TAFA4: variants seen among roughly 807,000 people sequenced by gnomAD.
The protein encoded by TAFA4 is TAFA chemokine like family member 4.
Under a neutral mutation model 21.1 loss-of-function variants are expected in TAFA4, and 20 were observed. The observed-to-expected ratio is 0.95, with a 90% CI of 0.67 to 1.38. The LOEUF (loss-of-function observed/expected upper bound fraction) is 1.38, where lower values mean the gene tolerates loss of function less well. Ranked by LOEUF, TAFA4 falls within the 40% of genes most tolerant of loss-of-function variation. The pLI is 0.00. For missense variants in TAFA4, 211 were observed against 180.9 expected, an observed-to-expected ratio of 1.17 and a Z score of -0.95; for synonymous variants, 71 against 67.4, an observed-to-expected ratio of 1.05 and a Z score of -0.26.
rs148075925 is a variant in TAFA4, at chr3:68,761,606, T to C, written c.131-8588A>G. ...TGTGTGGGTGATTACATGGGCCCCATGGATCATTATAGAGGCTTGGGCTTT... is the reference window on the plus strand; with the variant it reads ...TGTGTGGGTGATTACATGGGCCCCACGGATCATTATAGAGGCTTGGGCTTT... On this transcript the variant is annotated intron_variant, in intron 3 of 5. Coordinates refer to ENST00000295569, the MANE Select transcript of TAFA4 (RefSeq NM_182522.5). Among the ~76,000 whole-genome samples, 203 of 152,318 alleles carry C rather than the reference T, an allele frequency of 1.3e-3. 1 individual carries two copies. The highest frequency in any genetic ancestry group is 4.8e-3 in the African/African-American group (198 of 41,576).
At chr3:68,774,558 G>A (rs1703017061) in intron 3 of TAFA4, among the ~76,000 whole-genome samples, 1 of 152,196 alleles carries the variant, frequency 6.6e-6, no homozygotes, top group Non-Finnish European at 1.5e-5. Context: ...CTTTTTAATA[G>A]CACATATGAG....
intron 3 of TAFA4, among the ~76,000 whole-genome samples, chr3:68,800,414 T>C (rs1703552347): frequency 6.6e-6 from 1 of 152,202 alleles, no homozygotes; most frequent in Admixed American, 6.5e-5. Flanking sequence ...GTGCTGACCC[T>C]GAACCCCAGT....
intron 1 of TAFA4, among the ~76,000 whole-genome samples, chr3:68,889,897 A>G (rs944489934): frequency 2.0e-5 from 3 of 152,352 alleles, no homozygotes; most frequent in African/African-American, 7.2e-5. Flanking sequence ...TCATCCTCAG[A>G]ATGAACTGTA....
At chr3:68,741,048 A>G (rs1304529238) in intron 4 of TAFA4, among the ~76,000 whole-genome samples, 3 of 152,166 alleles carry the variant, frequency 2.0e-5, no homozygotes, top group Admixed American at 6.5e-5. Context: ...TTTGGTAACT[A>G]TAGCTTTGTA....
At chr3:68,858,522 A>G (rs951365431) in intron 3 of TAFA4, among the ~76,000 whole-genome samples, 1 of 151,560 alleles carries the variant, frequency 6.6e-6, no homozygotes, top group African/African-American at 2.4e-5. Context: ...TTTTTTTTCA[A>G]CCGAATATAA....
At chr3:68,852,423 C>T (rs1057135676) in intron 3 of TAFA4, among the ~76,000 whole-genome samples, 6 of 152,150 alleles carry the variant, frequency 3.9e-5, no homozygotes, top group Non-Finnish European at 8.8e-5. Context: ...GCTCTGCCAG[C>T]AACTAGGTAT....
intron 3 of TAFA4, among the ~76,000 whole-genome samples, chr3:68,805,542 C>T (rs1399466518): frequency 2.0e-5 from 3 of 152,150 alleles, no homozygotes; most frequent in Admixed American, 1.3e-4. Flanking sequence ...ATAGCAAAGA[C>T]TTGGAACCAA....
intron 1 of TAFA4, among the ~76,000 whole-genome samples, chr3:68,917,935 T>C (rs2090020989): frequency 6.6e-6 from 1 of 151,920 alleles, no homozygotes. Context: ...TCTTTAGGAG[T>C]AATGATAATG....
At chr3:68,851,528 G>A (rs1387555647) in intron 3 of TAFA4, among the ~76,000 whole-genome samples, 1 of 152,130 alleles carries the variant, frequency 6.6e-6, no homozygotes, top group African/African-American at 2.4e-5. Context: ...ATGAAGGACA[G>A]AGCATGGTGA....
chr3:68,856,948 C>T (rs550223340), intron 3 of TAFA4, among the ~76,000 whole-genome samples: 1 of 152,148 alleles, frequency 6.6e-6, no homozygotes, highest in Non-Finnish European at 1.5e-5. Flanking sequence ...TCAACATAAA[C>T]ATGACAGGAT....
intron 3 of TAFA4, among the ~76,000 whole-genome samples, chr3:68,820,022 T>A (rs928527377): frequency 5.3e-5 from 8 of 152,046 alleles, no homozygotes; most frequent in Non-Finnish European, 5.9e-5. Flanking sequence ...AACCAAGATA[T>A]GAAATCAACC....
At chr3:68,790,279 G>T (rs1423138794) in intron 3 of TAFA4, among the ~76,000 whole-genome samples, 2 of 141,154 alleles carry the variant, frequency 1.4e-5, no homozygotes, top group African/African-American at 2.6e-5. Context: ...CACTAAAAAA[G>T]AAAAAAAAAG....
chr3:68,739,346 A>G, intron 4 of TAFA4, 147 bp from the exon 5 acceptor site: 3 of 941,344 alleles, frequency 3.2e-6, no homozygotes, highest in East Asian at 5.2e-5. Context: ...AATCAGGCAT[A>G]TACTCTACAA....
chr3:68,823,414 T>C (rs915561630), intron 3 of TAFA4, among the ~76,000 whole-genome samples: 7 of 152,228 alleles, frequency 4.6e-5, no homozygotes, highest in Non-Finnish European at 8.8e-5. Context: ...CTTCAAATTA[T>C]GGTAGTTTTG....
intron 1 of TAFA4, among the ~76,000 whole-genome samples, chr3:68,890,283 A>G (rs974485612): frequency 2.0e-5 from 3 of 152,204 alleles, no homozygotes; most frequent in Admixed American, 6.5e-5. Flanking sequence ...CACAAGGTAT[A>G]TGGGAATTCT....
chr3:68,912,271 T>G (rs1028544675), intron 1 of TAFA4, among the ~76,000 whole-genome samples: 1 of 152,164 alleles, frequency 6.6e-6, no homozygotes, highest in Non-Finnish European at 1.5e-5. Context: ...CTTTTACCAG[T>G]CTCATCTAAT....
chr3:68,872,412 G>A (rs1168689525), intron 3 of TAFA4, among the ~76,000 whole-genome samples: 1 of 152,016 alleles, frequency 6.6e-6, no homozygotes, highest in East Asian at 1.9e-4. Flanking sequence ...GGGTTGGGAG[G>A]AGGGAGAGAT....
chr3:68,880,620 T>C (rs2089605100), intron 3 of TAFA4, 110 bp downstream of exon 3: 2 of 838,772 alleles, frequency 2.4e-6, no homozygotes, highest in South Asian at 3.2e-5. Context: ...CCTCTAGTTA[T>C]TTACACACCA....
At chr3:68,850,187 A>G (rs541777092) in intron 3 of TAFA4, among the ~76,000 whole-genome samples, 5 of 152,196 alleles carry the variant, frequency 3.3e-5, no homozygotes, top group Non-Finnish European at 7.3e-5. Context: ...ACTCAGGGGT[A>G]GGTATCATAC....
Sources: allele counts gnomAD v4.1 joint callset (sites outside exome capture counted in the v4.1 genomes callset), GRCh38; gene constraint gnomAD v4.1.1; transcripts MANE v1.5; gene names NCBI Gene and HGNC (gene_info 2026-07-23, HGNC 2026-07-21).